Variants in PARP1 observed in about 807,000 individuals in gnomAD.
PARP1 encodes poly [ADP-ribose] polymerase 1.
Under a neutral mutation model 118.7 loss-of-function variants are expected in PARP1, and 44 were observed. The observed-to-expected ratio is 0.37, with a 90% CI of 0.29 to 0.48. The LOEUF is 0.48. Ranked by LOEUF, PARP1 falls within the 20% of genes least tolerant of loss-of-function variation. The pLI, the probability that PARP1 is intolerant of heterozygous loss-of-function variation, is 0.99. For synonymous variants in PARP1, 492 were observed against 483.2 expected (o/e 1.02, Z -0.24); for missense variants, 1,100 against 1,272.4 (o/e 0.86, Z 2.06).
intron 2 of PARP1, chr1:226,393,097 G>T: frequency 9.9e-7 from 1 of 1,014,738 alleles, no homozygotes; most frequent in South Asian, 2.5e-5. Context: ...GATATCTTAA[G>T]AAATCTATTT....
rs1665188748 is a variant in PARP1, at chr1:226,408,060, C to A, written c.-131G>T. ...CGGCCAGAGCCGCCACCGAACACGC[C>A]GCACCGGCCACCGCCGTTCCCTGAT... is the stretch of plus-strand genomic sequence containing the variant. On this transcript the variant is annotated 5_prime_UTR_variant, in exon 1 of 23. Transcript: ENST00000366794. 7.5e-7 allele frequency: 1 copy of A among 1,331,002 alleles called. No homozygotes were observed. Among genetic ancestry groups the A allele is most frequent in the Admixed American group, 2.0e-5 (1 of 51,212 alleles). The allele number at this position is 1,331,002 out of a possible 1,614,324, so 82.4% of individuals were successfully genotyped here.
Position 226,364,088 on chromosome 1 carries a change from G to A in PARP1, c.2659-18C>T, listed in dbSNP as rs1198340246. On this transcript the variant is annotated intron_variant, in intron 19 of 22. Transcript: ENST00000366794. ...TAGCCTGTCTGGAAGGTCGGAAAAG[G>A]GAGAGCTGAGAATCTTCTGATGGGA... 6.2e-7 allele frequency: 1 copy of A among 1,613,420 alleles called. No homozygotes were observed. Among genetic ancestry groups the A allele is most frequent in the Non-Finnish European group, 8.5e-7 (1 of 1,179,482 alleles).
chr1:226,366,063 A>G lies in PARP1; in HGVS notation c.2407-11T>C, dbSNP rs1664260280. On this transcript the variant is annotated splice_polypyrimidine_tract_variant and intron_variant, in intron 17 of 22. Transcript: ENST00000366794. Reference sequence around the variant, plus strand: ...ATCTCTGTCAACCACCTGGATAAACAGAATCTTGGGATTAGCACAAAAGAG... The same window carrying G: ...ATCTCTGTCAACCACCTGGATAAACGGAATCTTGGGATTAGCACAAAAGAG... The G allele has an allele frequency of 6.3e-7, 1 of 1,592,108 alleles. No individual in the cohort carries two copies. The highest frequency in any genetic ancestry group is 1.3e-5 in the African/African-American group (1 of 74,620).
chr1:226,393,738 A>G (rs2102742757), intron 2 of PARP1, among the ~76,000 whole-genome samples: 1 of 152,380 alleles, frequency 6.6e-6, no homozygotes, highest in Non-Finnish European at 1.5e-5. Flanking sequence ...GGAACTTCAC[A>G]GGGTGACAGA....
intron 13 of PARP1, among the ~76,000 whole-genome samples, chr1:226,375,838 T>G (rs1195706484): frequency 6.6e-6 from 1 of 152,176 alleles, no homozygotes; most frequent in African/African-American, 2.4e-5. Context: ...CCTGGTACAT[T>G]AGGGCAAAAA....
chr1:226,373,426 G>A (rs1347870034), intron 14 of PARP1, among the ~76,000 whole-genome samples: 2 of 152,182 alleles, frequency 1.3e-5, no homozygotes, highest in South Asian at 2.1e-4. Context: ...TGGCCAGGTG[G>A]GACCACCTCT....
At chr1:226,401,515 C>T (rs893263315) in intron 2 of PARP1, among the ~76,000 whole-genome samples, 1 of 152,214 alleles carries the variant, frequency 6.6e-6, no homozygotes, top group Non-Finnish European at 1.5e-5. Context: ...GGGGTGGTAA[C>T]TTCCGGGTAT....
At chr1:226,395,269 T>A (rs757587632) in intron 2 of PARP1, among the ~76,000 whole-genome samples, 1 of 152,236 alleles carries the variant, frequency 6.6e-6, no homozygotes, top group Non-Finnish European at 1.5e-5. Context: ...TGATTTCACT[T>A]CTGGGTATAC....
intron 1 of PARP1, among the ~76,000 whole-genome samples, chr1:226,406,808 G>C (rs2102749548): frequency 6.6e-6 from 1 of 152,268 alleles, no homozygotes; most frequent in East Asian, 1.9e-4. Flanking sequence ...CCTGGCACTT[G>C]GGTATCCACT....
intron 13 of PARP1, among the ~76,000 whole-genome samples, chr1:226,375,715 T>C (rs1664473838): frequency 6.6e-6 from 1 of 152,238 alleles, no homozygotes; most frequent in Non-Finnish European, 1.5e-5. Flanking sequence ...AAGATTAATT[T>C]CATTGGCTTC....
chr1:226,364,540 C>T (rs905341165), intron 19 of PARP1, among the ~76,000 whole-genome samples: 1 of 152,254 alleles, frequency 6.6e-6, no homozygotes, highest in African/African-American at 2.4e-5. Flanking sequence ...CCTCCTCATT[C>T]TACAACTGTG....
intron 4 of PARP1, among the ~76,000 whole-genome samples, chr1:226,389,297 A>T (rs1664779653): frequency 6.6e-6 from 1 of 152,200 alleles, no homozygotes; most frequent in African/African-American, 2.4e-5. Flanking sequence ...CAGTCAAAGC[A>T]GTGCTAACCA....
At chr1:226,383,308 A>G in intron 7 of PARP1, 125 bp from the exon 8 acceptor site, 1 of 782,800 alleles carries the variant, frequency 1.3e-6, no homozygotes, top group Non-Finnish European at 2.2e-6. Flanking sequence ...ATAAAGAGTA[A>G]CAAAAAATAG....
intron 2 of PARP1, among the ~76,000 whole-genome samples, chr1:226,394,660 T>A (rs1000623240): frequency 6.6e-6 from 1 of 152,184 alleles, no homozygotes; most frequent in African/African-American, 2.4e-5. Context: ...ACGCTTGTAG[T>A]CCCAGCTGCT....
chr1:226,363,639 C>A (rs935251561), intron 20 of PARP1, among the ~76,000 whole-genome samples: 1 of 152,166 alleles, frequency 6.6e-6, no homozygotes, highest in Non-Finnish European at 1.5e-5. Flanking sequence ...GTGGAGGAGG[C>A]GGCCTGGGGG....
chr1:226,401,886 A>G, intron 2 of PARP1: 1 of 1,032,310 alleles, frequency 9.7e-7, no homozygotes, highest in South Asian at 1.8e-5. Flanking sequence ...TTGACAAGGA[A>G]GAGCCTGTGT....
At chr1:226,401,843 A>G in intron 2 of PARP1, 2 of 684,876 alleles carry the variant, frequency 2.9e-6, no homozygotes, top group South Asian at 4.7e-5. Context: ...AGGTTCCTCA[A>G]TTATAACAAA....
At chr1:226,392,989 T>G (rs774528863) in intron 2 of PARP1, 1 of 1,536,444 alleles carries the variant, frequency 6.5e-7, no homozygotes. Context: ...TTCTAGTAAG[T>G]GCATTAAGGA....
chr1:226,389,381 C>T (rs1242234542), intron 4 of PARP1, among the ~76,000 whole-genome samples: 1 of 152,210 alleles, frequency 6.6e-6, no homozygotes, highest in Non-Finnish European at 1.5e-5. Flanking sequence ...GCAGGACAGC[C>T]GCAGTGGTCT....
Sources: allele counts gnomAD v4.1 joint callset (sites outside exome capture counted in the v4.1 genomes callset), GRCh38; gene constraint gnomAD v4.1.1; transcripts MANE v1.5; gene names NCBI Gene and HGNC (gene_info 2026-07-23, HGNC 2026-07-21).